Variants in GYG2 observed in about 807,000 individuals in gnomAD.
GYG2 encodes glycogenin-2.
In GYG2, 29 loss-of-function variants were observed where a neutral mutation model predicts 29.4. The ratio of observed to expected loss-of-function variants is 0.99; its 90% CI spans 0.74 to 1.35. The LOEUF (loss-of-function observed/expected upper bound fraction) is 1.35, where lower values mean the gene tolerates loss of function less well. Among genes scored for constraint, GYG2 ranks in the 40% most tolerant of loss-of-function variants. The pLI is 0.00. For missense variants in GYG2, 370 were observed against 385.7 expected (o/e 0.96, Z 0.34); for synonymous variants, 167 against 172.3 (o/e 0.97, Z 0.24).
chrX:2,845,039 A>ATGTGTATGTATATTTATATACACG (rs1569057238), intron 3 of GYG2, among the ~76,000 whole-genome samples: 1 of 72,489 alleles, frequency 1.4e-5, no homozygotes, highest in African/African-American at 4.8e-5. Flanking sequence ...TTATATACAC[A>ATGTGTATGTATATTTATATACACG]TGTGTATGTA....
Position 2,843,359 on chromosome X carries a change from G to A in GYG2, c.149+5G>A. The A allele has an allele frequency of 8.4e-7, 1 of 1,193,096 alleles. No homozygotes were observed. The highest frequency in any genetic ancestry group is 2.2e-5 in the Admixed American group (1 of 44,995). ...TCAGGTGTCCAGCCTGCTCAGGTAA[G>A]GCTCAGAGATGCGGCTTGTGCCCAG... On this transcript the variant is annotated splice_donor_5th_base_variant and intron_variant, in intron 3 of 10. Transcript: ENST00000398806.
intron 8 of GYG2, among the ~76,000 whole-genome samples, chrX:2,869,872 G>T (rs1172982931): frequency 8.9e-6 from 1 of 112,393 alleles, no homozygotes. Flanking sequence ...GAATTCCTGG[G>T]CTCTAGCGAT....
intron 7 of GYG2, 70 bp from the exon 8 acceptor site, chrX:2,861,452 G>C (rs779441956): frequency 3.5e-6 from 3 of 867,865 alleles, no homozygotes; most frequent in African/African-American, 3.9e-5. Flanking sequence ...GGCCCCACCC[G>C]CCCCCCAGGA....
At chrX:2,854,923 C>A (rs1311453114) in intron 4 of GYG2, 70 bp from the exon 5 acceptor site, 2 of 1,132,927 alleles carry the variant, frequency 1.8e-6, no homozygotes, top group South Asian at 4.0e-5. Context: ...CAGAGCAAGA[C>A]TCTGTCTCAA....
intron 8 of GYG2, among the ~76,000 whole-genome samples, chrX:2,869,310 C>A (rs1204656077): frequency 9.0e-6 from 1 of 111,696 alleles, no homozygotes; most frequent in Non-Finnish European, 1.9e-5. Flanking sequence ...AAAGACAGTT[C>A]CATCTTGTAT....
chrX:2,843,116 G>A (rs754251442), intron 2 of GYG2, 97 bp from the exon 3 acceptor site: 1 of 743,621 alleles, frequency 1.3e-6, no homozygotes, highest in Non-Finnish European at 2.1e-6. Flanking sequence ...TCTGGCCCAA[G>A]CCATGAATCT....
In GYG2 at chrX:2,854,977, T is replaced by C; in HGVS notation, c.325-16T>C. The C allele has an allele frequency of 8.3e-7, 1 of 1,204,854 alleles. No homozygotes were observed. The highest frequency in any genetic ancestry group is 3.0e-5 in the East Asian group (1 of 33,694). On this transcript the variant is annotated splice_polypyrimidine_tract_variant and intron_variant, in intron 4 of 10. Transcript: ENST00000398806. Reference sequence around the variant, plus strand: ...AAGAAGCATTGCGGCGGGTTCTGCGTGTTTTGCTTCACCAGGTGCTGTCCA... The same window carrying C: ...AAGAAGCATTGCGGCGGGTTCTGCGCGTTTTGCTTCACCAGGTGCTGTCCA...
chrX:2,863,105 C>T (rs1296404307), intron 8 of GYG2, among the ~76,000 whole-genome samples: 1 of 106,197 alleles, frequency 9.4e-6, no homozygotes, highest in Non-Finnish European at 1.9e-5. Flanking sequence ...GGCGGAGTCT[C>T]TCTCTGTCAC....
At chrX:2,844,040 A>G (rs1603458817) in intron 3 of GYG2, among the ~76,000 whole-genome samples, 1 of 112,566 alleles carries the variant, frequency 8.9e-6, no homozygotes, top group African/African-American at 3.2e-5. Flanking sequence ...AATAAAGCAT[A>G]AGGCTTCTCT....
intron 3 of GYG2, among the ~76,000 whole-genome samples, chrX:2,853,286 G>A (rs755438559): frequency 1.5e-4 from 17 of 111,076 alleles, no homozygotes; most frequent in Non-Finnish European, 3.2e-4. Context: ...TCTCAGGTCA[G>A]TGCAATCTCC....
chrX:2,850,544 A>G (rs1297235454), intron 3 of GYG2, among the ~76,000 whole-genome samples: 5 of 111,444 alleles, frequency 4.5e-5, no homozygotes, highest in Admixed American at 9.6e-5. Context: ...CTCTGAGCCC[A>G]AGCTAAGCCG....
chrX:2,876,223 A>G (rs2088597091), intron 9 of GYG2, among the ~76,000 whole-genome samples: 1 of 110,198 alleles, frequency 9.1e-6, no homozygotes, highest in African/African-American at 3.3e-5. Flanking sequence ...TTAATAAGAA[A>G]AAGATACAGC....
chrX:2,876,865 C>T (rs1006750535), intron 9 of GYG2, among the ~76,000 whole-genome samples: 1 of 110,571 alleles, frequency 9.0e-6, no homozygotes, highest in Non-Finnish European at 1.9e-5. Context: ...AGGAGAATGG[C>T]GTGAACCCGG....
At chrX:2,864,656 T>C (rs2088255201) in intron 8 of GYG2, among the ~76,000 whole-genome samples, 1 of 111,931 alleles carries the variant, frequency 8.9e-6, no homozygotes, top group Non-Finnish European at 1.9e-5. Context: ...CACTGAATCT[T>C]GTACATTAGT....
intron 2 of GYG2, among the ~76,000 whole-genome samples, chrX:2,841,299 G>A (rs2087493348): frequency 9.3e-6 from 1 of 108,025 alleles, no homozygotes; most frequent in Admixed American, 9.9e-5. Flanking sequence ...ATAGGTAGAT[G>A]GATGGATGAA....
At chrX:2,879,769 A>G (rs1042525229) in intron 10 of GYG2, among the ~76,000 whole-genome samples, 2 of 111,932 alleles carry the variant, frequency 1.8e-5, no homozygotes, top group Non-Finnish European at 3.8e-5. Flanking sequence ...TATAGAACGG[A>G]TGGATGGATG....
intron 3 of GYG2, among the ~76,000 whole-genome samples, chrX:2,844,546 GCACACGCATGCGTATATGTGTATACGCA>G (rs2087586866): frequency 2.7e-5 from 2 of 73,035 alleles, no homozygotes; most frequent in African/African-American, 1.1e-4. Context: ...ATGTGTATAC[GCACACGCATGCGTATATGTGTATACGCA>G]CACGCATGCG....
chrX:2,877,924 T>C (rs1426139832), intron 10 of GYG2: 3 of 747,297 alleles, frequency 4.0e-6, no homozygotes, highest in African/African-American at 4.6e-5. Context: ...AAGTTGGTAT[T>C]GAACGCATGT....
At chrX:2,870,911 G>C (rs765153954) in intron 8 of GYG2, among the ~76,000 whole-genome samples, 8 of 111,569 alleles carry the variant, frequency 7.2e-5, no homozygotes, top group Non-Finnish European at 1.3e-4. Context: ...TTGTATGATA[G>C]TTAATTTTTT....
Sources: gnomAD v4.1 joint callset for allele counts (sites outside exome capture counted in the v4.1 genomes callset) on GRCh38, gnomAD v4.1.1 for gene constraint, MANE v1.5 for transcripts, NCBI Gene and HGNC (gene_info 2026-07-23, HGNC 2026-07-21) for gene names.